Variants in SMARCC1 observed in about 807,000 individuals in gnomAD.
The protein encoded by SMARCC1 is SWI/SNF related BAF chromatin remodeling complex subunit C1.
SMARCC1 carries 43 observed loss-of-function variants against 147.4 expected under a neutral mutation model. The observed-to-expected ratio is 0.29, with a 90% CI of 0.23 to 0.38. The LOEUF is 0.38. Among genes scored for constraint, SMARCC1 ranks in the 10% least tolerant of loss-of-function variants. SMARCC1 has a pLI of 1.00. For synonymous variants in SMARCC1, 495 were observed against 484.4 expected, an observed-to-expected ratio of 1.02 and a Z score of -0.29; for missense variants, 1,119 against 1,381.1, an observed-to-expected ratio of 0.81 and a Z score of 3.01.
At chr3:47,694,287 T>G (rs954765724) in intron 11 of SMARCC1, among the ~76,000 whole-genome samples, 1 of 152,164 alleles carries the variant, frequency 6.6e-6, no homozygotes, top group African/African-American at 2.4e-5. Flanking sequence ...CAACTAGAGG[T>G]ACACATTTTA....
At chr3:47,778,678 A>G (rs2035007722) in intron 1 of SMARCC1, among the ~76,000 whole-genome samples, 1 of 152,136 alleles carries the variant, frequency 6.6e-6, no homozygotes, top group Non-Finnish European at 1.5e-5. Context: ...AAAATTTATT[A>G]GTCTCAAAAT....
chr3:47,775,848 A>T (rs1481111918), intron 1 of SMARCC1, among the ~76,000 whole-genome samples: 1 of 151,740 alleles, frequency 6.6e-6, no homozygotes, highest in Non-Finnish European at 1.5e-5. Flanking sequence ...ACCCACAAAA[A>T]TTAAAAATTA....
At chr3:47,595,701 C>T (rs2032264393) in intron 26 of SMARCC1, among the ~76,000 whole-genome samples, 1 of 151,308 alleles carries the variant, frequency 6.6e-6, no homozygotes, top group African/African-American at 2.4e-5. Flanking sequence ...TATCTTTCAT[C>T]TGTATTACAC....
chr3:47,670,352 A>G (rs2033478958), intron 19 of SMARCC1: 1 of 335,214 alleles, frequency 3.0e-6, no homozygotes, highest in African/African-American at 2.1e-5. Context: ...TGGGAGGCCA[A>G]GGTGGGAGGA....
chr3:47,708,074 A>ATTTTTT (rs1323957181), intron 9 of SMARCC1, among the ~76,000 whole-genome samples: 25 of 41,568 alleles, frequency 6.0e-4, no homozygotes, highest in Non-Finnish European at 1.1e-3. Flanking sequence ...CTGAAGTTGA[A>ATTTTTT]TTTTTTTTCT....
chr3:47,742,538 C>T (rs2034520340), intron 3 of SMARCC1, among the ~76,000 whole-genome samples: 1 of 152,156 alleles, frequency 6.6e-6, no homozygotes, highest in Non-Finnish European at 1.5e-5. Flanking sequence ...ATTGATTTTA[C>T]CTATTTAGAA....
chr3:47,715,187 C>A (rs140431721), intron 7 of SMARCC1, among the ~76,000 whole-genome samples: 1 of 152,152 alleles, frequency 6.6e-6, no homozygotes, highest in Admixed American at 6.5e-5. Flanking sequence ...TCCAAATATA[C>A]GCTGATGACT....
chr3:47,738,152 T>TA (rs777118333), intron 3 of SMARCC1, 42 bp from the exon 4 acceptor site: 9 of 1,350,044 alleles, frequency 6.7e-6, no homozygotes, highest in Non-Finnish European at 9.2e-6. Context: ...TCTCCCAGCT[T>TA]AAACACAAAT....
intron 27 of SMARCC1, among the ~76,000 whole-genome samples, chr3:47,590,342 G>A (rs965801122): frequency 6.6e-6 from 1 of 152,192 alleles, no homozygotes; most frequent in Non-Finnish European, 1.5e-5. Flanking sequence ...ACCACCACCA[G>A]TAGCTCTACA....
chr3:47,754,469 G>A (rs1480628621), intron 2 of SMARCC1, among the ~76,000 whole-genome samples: 1 of 152,006 alleles, frequency 6.6e-6, no homozygotes, highest in Non-Finnish European at 1.5e-5. Flanking sequence ...CCAAAGTGTT[G>A]GGATTACAGG....
chr3:47,763,058 T>G (rs1379507815), intron 2 of SMARCC1, among the ~76,000 whole-genome samples: 1 of 66,922 alleles, frequency 1.5e-5, no homozygotes, highest in Non-Finnish European at 3.2e-5. Context: ...AGAGCGAGAC[T>G]CCATCTCAAA....
Position 47,704,465 on chromosome 3 carries a change from C to G in SMARCC1, c.1040+1944G>C, listed in dbSNP as rs190777414. On this transcript the variant is annotated intron_variant, in intron 10 of 27. Coordinates refer to ENST00000254480, the MANE Select transcript of SMARCC1 (RefSeq NM_003074.4). ...TCAGAGTAGAGGGTATATGTCACCA[C>G]TGTGAGCCTCATGCCTCCTAGAGAT... Among the ~76,000 whole-genome samples the G allele has an allele frequency of 9.2e-5, 14 of 152,274 alleles. No homozygotes were observed. In the East Asian group the frequency reaches 1.7e-3, roughly 19 times the overall value.
chr3:47,670,169 G>A (rs538080089), intron 19 of SMARCC1, among the ~76,000 whole-genome samples: 1 of 152,246 alleles, frequency 6.6e-6, no homozygotes, highest in East Asian at 1.9e-4. Flanking sequence ...CTAACTACAT[G>A]GAGACACAGA....
At chr3:47,682,085 GAC>G (rs2033651028) in intron 14 of SMARCC1, among the ~76,000 whole-genome samples, 1 of 146,678 alleles carries the variant, frequency 6.8e-6, no homozygotes, top group South Asian at 2.1e-4. Context: ...TTTTTTTTAA[GAC>G]ACAGGGTCTC....
At chr3:47,695,872 G>A (rs562726430) in intron 11 of SMARCC1, among the ~76,000 whole-genome samples, 274 of 2,900 alleles carry the variant, frequency 0.094, 3 homozygotes, top group African/African-American at 0.23. Context: ...TTCAAGACCT[G>A]CCTGGCCAAG....
At chr3:47,682,766 TTA>T (rs1307514252) in intron 14 of SMARCC1, among the ~76,000 whole-genome samples, 1 of 152,230 alleles carries the variant, frequency 6.6e-6, no homozygotes, top group Non-Finnish European at 1.5e-5. Flanking sequence ...TAATAATTGT[TTA>T]TGATATAAAA....
intron 1 of SMARCC1, among the ~76,000 whole-genome samples, chr3:47,777,920 T>C (rs1450195232): frequency 6.6e-6 from 1 of 151,896 alleles, no homozygotes; most frequent in Non-Finnish European, 1.5e-5. Context: ...TGAAAATGCA[T>C]GTAGGCCAGG....
chr3:47,728,083 T>A (rs1296735872), intron 6 of SMARCC1, among the ~76,000 whole-genome samples: 1 of 117,452 alleles, frequency 8.5e-6, no homozygotes, highest in East Asian at 2.5e-4. Flanking sequence ...AGTCCCTTTT[T>A]TTTTTTTTTT....
chr3:47,734,017 A>G (rs2034410847), intron 5 of SMARCC1, among the ~76,000 whole-genome samples: 1 of 152,180 alleles, frequency 6.6e-6, no homozygotes. Flanking sequence ...ATATATGTAT[A>G]CACATATGTA....
Sources: allele counts gnomAD v4.1 joint callset (sites outside exome capture counted in the v4.1 genomes callset), GRCh38; gene constraint gnomAD v4.1.1; transcripts MANE v1.5; gene names NCBI Gene and HGNC (gene_info 2026-07-23, HGNC 2026-07-21).